The following DNM3 variants were observed in gnomAD, a reference collection of about 807,000 sequenced individuals.
The protein encoded by DNM3 is dynamin-3.
A neutral mutation model predicts 101.6 loss-of-function variants in DNM3; 47 were observed. The ratio of observed to expected loss-of-function variants is 0.46; its 90% CI spans 0.37 to 0.59. DNM3 has a LOEUF of 0.59. Ranked by LOEUF, DNM3 falls within the 20% of genes least tolerant of loss-of-function variation. DNM3 has a pLI of 0.00. For missense variants in DNM3, 849 were observed against 1,085.7 expected (o/e 0.78, Z 3.06); for synonymous variants, 385 against 387.9 (o/e 0.99, Z 0.09).
At chr1:171,848,164 T>C (rs192563498) in intron 1 of DNM3, among the ~76,000 whole-genome samples, 262 of 152,266 alleles carry the variant, frequency 1.7e-3, no homozygotes, top group Middle Eastern at 3.4e-3. Flanking sequence ...CCTCCTGTTA[T>C]TGTTTTAGAG....
intron 1 of DNM3, among the ~76,000 whole-genome samples, chr1:171,883,075 A>T (rs1266062010): frequency 6.6e-6 from 1 of 151,964 alleles, no homozygotes; most frequent in African/African-American, 2.4e-5. Context: ...ATCTGATTTT[A>T]TGAGTATTTT....
chr1:172,145,336 C>A (rs2057827424), intron 14 of DNM3, among the ~76,000 whole-genome samples: 1 of 151,580 alleles, frequency 6.6e-6, no homozygotes, highest in South Asian at 2.1e-4. Flanking sequence ...CTCTCTCTCT[C>A]TCTCTCTCTC....
chr1:171,916,317 T>G (rs2039706261), intron 1 of DNM3, among the ~76,000 whole-genome samples: 1 of 152,206 alleles, frequency 6.6e-6, no homozygotes. Context: ...TGTTATGAGA[T>G]CAAACAAGTT....
chr1:171,938,852 C>T (rs1316809834), intron 2 of DNM3, among the ~76,000 whole-genome samples: 2 of 152,138 alleles, frequency 1.3e-5, no homozygotes, highest in East Asian at 1.9e-4. Flanking sequence ...TTGGTGCTAT[C>T]TGGGACTGTC....
chr1:171,941,941 G>T (rs1015719285), intron 2 of DNM3, among the ~76,000 whole-genome samples: 2 of 152,088 alleles, frequency 1.3e-5, no homozygotes, highest in African/African-American at 4.8e-5. Context: ...GCACAAGGGG[G>T]TTTGTGATTA....
At chr1:171,970,811 T>A (rs1010494453) in intron 2 of DNM3, among the ~76,000 whole-genome samples, 7 of 148,906 alleles carry the variant, frequency 4.7e-5, no homozygotes, top group Non-Finnish European at 7.5e-5. Flanking sequence ...TGGATTTTTT[T>A]AAAATTTCTT....
At chr1:171,994,162 A>G (rs946047239) in intron 4 of DNM3, among the ~76,000 whole-genome samples, 4 of 152,014 alleles carry the variant, frequency 2.6e-5, no homozygotes, top group Non-Finnish European at 4.4e-5. Context: ...CTTTCTTTGC[A>G]TATCTTAAAA....
In DNM3 at chr1:172,181,009, G is replaced by A. The variant is rs537313611; in HGVS notation, c.1659+49721G>A. ...AAGTACGGAGCACTTACCAAGTGCC[G>A]CCACTCCGCTGGGCTCTGGGGAACA... On this transcript the variant is annotated intron_variant, in intron 14 of 20. Coordinates refer to ENST00000627582, the MANE Select transcript of DNM3 (RefSeq NM_015569.5). Among the ~76,000 whole-genome samples, 81 of 152,126 alleles carry A rather than the reference G, an allele frequency of 5.3e-4. 1 individual carries two copies. The highest frequency in any genetic ancestry group is 1.9e-3 in the African/African-American group (77 of 41,538).
chr1:172,363,247 A>C (rs912596903), intron 17 of DNM3, among the ~76,000 whole-genome samples: 1 of 151,940 alleles, frequency 6.6e-6, no homozygotes, highest in Non-Finnish European at 1.5e-5. Flanking sequence ...TTCTAAATCT[A>C]CATTTTCTGT....
At chr1:172,121,406 C>A (rs1417688588) in intron 13 of DNM3, among the ~76,000 whole-genome samples, 2 of 152,190 alleles carry the variant, frequency 1.3e-5, no homozygotes, top group Admixed American at 1.3e-4. Context: ...AGAAAAACAT[C>A]TTTAGAAATA....
At chr1:172,036,489 C>T (rs1407688715) in intron 6 of DNM3, among the ~76,000 whole-genome samples, 26 of 151,820 alleles carry the variant, frequency 1.7e-4, no homozygotes, top group African/African-American at 5.8e-4. Flanking sequence ...GAAATAACGC[C>T]GCATATCTAC....
intron 15 of DNM3, among the ~76,000 whole-genome samples, chr1:172,258,737 CCATTT>C (rs1292724588): frequency 1.3e-5 from 2 of 151,918 alleles, no homozygotes; most frequent in Non-Finnish European, 2.9e-5. Flanking sequence ...TTTTTCATCT[CCATTT>C]CATTTAGTTC....
At chr1:171,931,903 A>G (rs2125368978) in intron 2 of DNM3, among the ~76,000 whole-genome samples, 1 of 152,330 alleles carries the variant, frequency 6.6e-6, no homozygotes, top group Non-Finnish European at 1.5e-5. Context: ...TTAAACCAGT[A>G]GATTTACTAG....
chr1:172,408,340 TTC>T lies in DNM3; in HGVS notation c.*500_*501del, dbSNP rs1314172577. The T allele has an allele frequency of 2.0e-6, 2 of 986,382 alleles. No individual in the cohort carries two copies. The highest frequency in any genetic ancestry group is 2.4e-6 in the Non-Finnish European group (2 of 830,608). 61.1% of individuals were successfully genotyped at this position (986,382 alleles called of 1,614,324 possible). A position where few individuals can be genotyped will look rare whatever the true frequency, so the allele number is the denominator to read the frequency against. ...TAGCTCCTCTTTTCTTCCTTTTTATTTCATAAGACTGCTAGGAAGTGATTTTT... is the reference window on the plus strand; with the variant it reads ...TAGCTCCTCTTTTCTTCCTTTTTATTATAAGACTGCTAGGAAGTGATTTTT... On this transcript the variant is annotated 3_prime_UTR_variant, in exon 21 of 21. Coordinates refer to ENST00000627582, the MANE Select transcript of DNM3 (RefSeq NM_015569.5).
chr1:172,340,234 G>A (rs2066625467), intron 17 of DNM3, among the ~76,000 whole-genome samples: 1 of 152,198 alleles, frequency 6.6e-6, no homozygotes, highest in South Asian at 2.1e-4. Flanking sequence ...TTTTGGGTTA[G>A]ATTCCTTCTG....
chr1:172,193,839 A>G (rs933326311), intron 14 of DNM3, among the ~76,000 whole-genome samples: 2 of 151,688 alleles, frequency 1.3e-5, no homozygotes, highest in African/African-American at 4.8e-5. Flanking sequence ...TTTTTGAAGA[A>G]TTTTTTGTGT....
chr1:171,986,592 T>C (rs1227212922), intron 2 of DNM3, among the ~76,000 whole-genome samples: 1 of 151,626 alleles, frequency 6.6e-6, no homozygotes, highest in Non-Finnish European at 1.5e-5. Context: ...ATGTTTATGA[T>C]GGGTAATGGT....
In DNM3 at chr1:172,315,089, C is replaced by T. The variant is rs184819811; in HGVS notation, c.1881+6250C>T. Among the ~76,000 whole-genome samples the T allele has an allele frequency of 4.9e-3, 741 of 152,340 alleles. 6 individuals are homozygous for T. The highest frequency in any genetic ancestry group is 0.016 in the African/African-American group (678 of 41,592). On this transcript the variant is annotated intron_variant, in intron 16 of 20. Transcript: ENST00000627582. ...AGCAGCATTCGCGGTTCATGAAAAT[C>T]CACGGTTCTGCAGACACCGCTGCTG...
chr1:171,904,674 G>T (rs1252375383), intron 1 of DNM3, among the ~76,000 whole-genome samples: 1 of 152,056 alleles, frequency 6.6e-6, no homozygotes, highest in Non-Finnish European at 1.5e-5. Context: ...TTTTTTGCGG[G>T]TAGTTGAAGC....
Sources: allele counts gnomAD v4.1 joint callset (sites outside exome capture counted in the v4.1 genomes callset), GRCh38; gene constraint gnomAD v4.1.1; transcripts MANE v1.5; gene names NCBI Gene and HGNC (gene_info 2026-07-23, HGNC 2026-07-21).